Variants in GCNA observed in about 807,000 individuals in gnomAD.
The protein encoded by GCNA is germ cell nuclear acidic peptidase.
GCNA carries 3 observed loss-of-function variants against 38.8 expected under a neutral mutation model. That is an observed-to-expected ratio of 0.08 (90% CI 0.04 to 0.20). GCNA has a LOEUF of 0.20. Ranked by LOEUF, GCNA falls within the 10% of genes least tolerant of loss-of-function variation. The probability of loss-of-function intolerance (pLI) is 1.00; values close to 1 mark genes in which losing one functional copy is unlikely to be tolerated. For synonymous variants in GCNA, 195 were observed against 240.2 expected, an observed-to-expected ratio of 0.81 and a Z score of 1.74; for missense variants, 446 against 578.6, an observed-to-expected ratio of 0.77 and a Z score of 2.35.
chrX:71,609,484 G>A (rs2040794122), intron 10 of GCNA, among the ~76,000 whole-genome samples: 1 of 112,006 alleles, frequency 8.9e-6, no homozygotes, highest in Non-Finnish European at 1.9e-5. Flanking sequence ...AAGGATAATG[G>A]AAAAGAGCTG....
intron 6 of GCNA, among the ~76,000 whole-genome samples, chrX:71,597,361 G>A (rs2040678928): frequency 9.0e-6 from 1 of 111,316 alleles, no homozygotes; most frequent in Admixed American, 9.6e-5. Context: ...TCATCCTGCT[G>A]GAACTTCTGA....
At chrX:71,599,023 T>TTG (rs1177847686) in intron 7 of GCNA, among the ~76,000 whole-genome samples, 5 of 99,237 alleles carry the variant, frequency 5.0e-5, no homozygotes, top group Non-Finnish European at 1.0e-4. Context: ...TTTGTTGTTG[T>TTG]TTTTTTTTTT....
Position 71,598,134 on chromosome X carries a change from G to A in GCNA, c.310+96G>A. On this transcript the variant is annotated intron_variant, in intron 7 of 12. Coordinates refer to ENST00000373696, the MANE Select transcript of GCNA (RefSeq NM_052957.5). ...TCAGAGTCCGCAGACTTTCTATTCA[G>A]AATCCCTCAGTAGTGAGTGCCACCG... 4 of 617,273 alleles carry A rather than the reference G, an allele frequency of 6.5e-6. No individual in the cohort carries two copies. The South Asian group carries it at 1.1e-4, about 17-fold the overall frequency. 50.9% of individuals were successfully genotyped at this position (617,273 alleles called of 1,213,427 possible).
At chrX:71,588,277 C>G (rs1012983242) in intron 2 of GCNA, among the ~76,000 whole-genome samples, 25 of 111,288 alleles carry the variant, frequency 2.2e-4, no homozygotes, top group African/African-American at 7.8e-4. Flanking sequence ...AATGAATGAA[C>G]CACAGATATC....
chrX:71,579,721 G>A (rs1432469521), intron 1 of GCNA, among the ~76,000 whole-genome samples: 2 of 106,787 alleles, frequency 1.9e-5, no homozygotes, highest in East Asian at 6.0e-4. Context: ...GGGAGTGGAA[G>A]CCTGCTTGGA....
At chrX:71,586,462 T>C (rs2040586314) in intron 2 of GCNA, among the ~76,000 whole-genome samples, 2 of 109,415 alleles carry the variant, frequency 1.8e-5, no homozygotes, top group African/African-American at 6.7e-5. Context: ...ATATGGGAGG[T>C]GAGGGAAAGA....
chrX:71,579,151 G>C (rs2040525846), intron 1 of GCNA, among the ~76,000 whole-genome samples: 1 of 105,347 alleles, frequency 9.5e-6, no homozygotes, highest in Non-Finnish European at 2.0e-5. Flanking sequence ...GCGGCGCGGG[G>C]AGAAGTGAGG....
At chrX:71,599,108 T>G (rs1374810510) in intron 7 of GCNA, among the ~76,000 whole-genome samples, 3 of 109,951 alleles carry the variant, frequency 2.7e-5, no homozygotes, top group Non-Finnish European at 5.7e-5. Context: ...CTGCTTGCCT[T>G]GGCCTCCCAA....
chrX:71,593,691 C>T lies in GCNA; in HGVS notation c.141-640C>T, dbSNP rs1028433836. Among the ~76,000 whole-genome samples the T allele has an allele frequency of 1.3e-4, 13 of 100,320 alleles. 1 individual carries two copies. Among genetic ancestry groups the T allele is most frequent in the African/African-American group, 4.8e-4 (13 of 27,196 alleles). The allele number at this position is 100,320 out of a possible 115,157, so 87.1% of individuals were successfully genotyped here. The stretch of plus-strand genomic sequence containing the variant: ...CGGAGTTCAGTAGTTGTCCATTTAC[C>T]TAGATATCAATCCCAAACAGTAGGC... On this transcript the variant is annotated intron_variant, in intron 4 of 12. Transcript: ENST00000373696.
At chrX:71,612,308 AG>A in intron 11 of GCNA, 46 bp from the exon 12 acceptor site, 26 of 712,606 alleles carry the variant, frequency 3.6e-5, no homozygotes, top group Non-Finnish European at 4.6e-5. Flanking sequence ...AAAAAAAAAA[AG>A]AGGATTGGTT....
Position 71,613,327 on chromosome X carries a change from T to G in GCNA, c.*345T>G, listed in dbSNP as rs991454034. 7 of 149,867 alleles carry G rather than the reference T, an allele frequency of 4.7e-5. No homozygotes were observed. The highest frequency in any genetic ancestry group is 2.3e-4 in the South Asian group (1 of 4,369). 12.4% of individuals were successfully genotyped at this position (149,867 alleles called of 1,213,427 possible). A position where few individuals can be genotyped will look rare whatever the true frequency, so the allele number is the denominator to read the frequency against. ...ATTTCTGAAGCCCTTGGGATCTACC[T>G]TGGGTCTTACTTGAGTTCCATATTT... On this transcript the variant is annotated 3_prime_UTR_variant, in exon 13 of 13. Transcript: ENST00000373696.
chrX:71,612,869 T>G lies in GCNA; in HGVS notation c.1963T>G (p.Cys655Gly), dbSNP rs756989129. The G allele has an allele frequency of 1.7e-6, 2 of 1,211,008 alleles. No homozygotes were observed. Among genetic ancestry groups the G allele is most frequent in the Non-Finnish European group, 2.2e-6 (2 of 895,147 alleles). The part of the protein sequence containing the change: ...ECTGCKTRIG[C>G]YTKSLDTSRF... ...TGTTCCATTCCTTCCCAGGATTGGCTGCTACACCAAATCGTTGGACACCAG... is the reference window on the plus strand; with the variant it reads ...TGTTCCATTCCTTCCCAGGATTGGCGGCTACACCAAATCGTTGGACACCAG... Residue 655 changes from cysteine (C) to glycine (G), a missense_variant, in exon 13 of 13, where the codon TGC becomes GGC. Cys to Gly is a radical substitution (Grantham distance 159, BLOSUM62 -3). Coordinates refer to ENST00000373696, the MANE Select transcript of GCNA (RefSeq NM_052957.5).
chrX:71,582,270 C>CAA (rs779423868), intron 2 of GCNA, among the ~76,000 whole-genome samples: 9 of 65,232 alleles, frequency 1.4e-4, no homozygotes, highest in Admixed American at 3.5e-4. Context: ...ACCCTCTCTC[C>CAA]AAAAAAAAAA....
chrX:71,589,450 CTTTTTTTTTTTTTTTTT>C lies in GCNA; in HGVS notation c.60-2655_60-2639del, dbSNP rs371046758. 4.9e-3 allele frequency among the ~76,000 whole-genome samples: 186 copies of C among 37,705 alleles called. 3 individuals carry two copies. The highest frequency in any genetic ancestry group is 0.018 in the African/African-American group (177 of 9,773). The allele number at this position is 37,705 out of a possible 115,157, so 32.7% of individuals were successfully genotyped here. A position where few individuals can be genotyped will look rare whatever the true frequency, so the allele number is the denominator to read the frequency against. ...AGCGTACCTGGCCTGCATATATTTC[CTTTTTTTTTTTTTTTTT>C]TTTTTTTTTTTTTTTTGAGACAGAG... On this transcript the variant is annotated intron_variant, in intron 2 of 12. Coordinates refer to ENST00000373696, the MANE Select transcript of GCNA (RefSeq NM_052957.5).
At chrX:71,578,840 C>T (rs936485474) in intron 1 of GCNA, among the ~76,000 whole-genome samples, 1 of 102,558 alleles carries the variant, frequency 9.8e-6, no homozygotes, top group Non-Finnish European at 2.0e-5. Flanking sequence ...AGAAGGGGCG[C>T]TGGTGGCGTC....
At chrX:71,609,251 A>C in intron 10 of GCNA, 134 bp downstream of exon 10, 2 of 583,512 alleles carry the variant, frequency 3.4e-6, no homozygotes, top group Non-Finnish European at 5.5e-6. Context: ...GCCCTGGTAC[A>C]GGTGAAAGCA....
intron 7 of GCNA, among the ~76,000 whole-genome samples, chrX:71,600,295 T>A (rs2040702977): frequency 9.0e-6 from 1 of 111,720 alleles, no homozygotes; most frequent in African/African-American, 3.3e-5. Context: ...AGTTGTCAAT[T>A]TTTAATTTGT....
intron 6 of GCNA, among the ~76,000 whole-genome samples, chrX:71,597,565 C>T (rs2040681028): frequency 9.0e-6 from 1 of 111,454 alleles, no homozygotes; most frequent in Admixed American, 9.6e-5. Flanking sequence ...CTCTCTCCAT[C>T]TGTGGCCCTC....
Position 71,605,708 on chromosome X carries a change from A to C in GCNA, c.1445A>C (p.Lys482Thr), listed in dbSNP as rs1440312426. 8.3e-7 allele frequency: 1 copy of C among 1,208,218 alleles called. No homozygotes were observed. The highest frequency in any genetic ancestry group is 1.7e-5 in the African/African-American group (1 of 57,167). The change falls in exon 9 of 13, where the codon AAA becomes ACA. Residue 482 changes from lysine (K) to threonine (T), a missense_variant. Physicochemically the swap from Lys to Thr is moderately conservative, Grantham distance 78 (BLOSUM62 -1). Transcript: ENST00000373696. ...GPSKKKPGAA[K>T]VEKRKTRTPK... ...TCAAAGAAGAAACCCGGTGCAGCAA[A>C]AGTTGAAAAACGCAAGACTAGGTAT...
Sources: gnomAD v4.1 joint callset for allele counts (sites outside exome capture counted in the v4.1 genomes callset) on GRCh38, gnomAD v4.1.1 for gene constraint, MANE v1.5 for transcripts, NCBI Gene and HGNC (gene_info 2026-07-23, HGNC 2026-07-21) for gene names.